The following LTBP1 variants were observed in gnomAD, a reference collection of about 807,000 sequenced individuals.
The protein encoded by LTBP1 is latent-transforming growth factor beta-binding protein 1.
Under a neutral mutation model 207.6 loss-of-function variants are expected in LTBP1, and 129 were observed. The ratio of observed to expected loss-of-function variants is 0.62; its 90% confidence interval spans 0.54 to 0.72. LTBP1 has a LOEUF of 0.72. Ranked by LOEUF, LTBP1 falls within the 30% of genes least tolerant of loss-of-function variation. The pLI is 0.00. For synonymous variants in LTBP1, 963 were observed against 833.7 expected (o/e 1.16, Z -2.67); for missense variants, 2,281 against 2,217.2 (o/e 1.03, Z -0.58).
chr2:33,257,399 CA>C lies in LTBP1; in HGVS notation c.2284del (p.Thr762LeufsTer23). The part of the protein sequence containing the change: ...KGPVFVKPKN[T>X]QPVAKSTHPP... ...GACCTGTATTTGTCAAGCCAAAGAA[CA>C]CTCAACCTGTTGCTAAAAGTACTCA... is the stretch of plus-strand genomic sequence containing the variant. On this transcript the variant is annotated frameshift_variant, in exon 12 of 34. Transcript: ENST00000404816. LOFTEE classifies it high-confidence loss of function. 6.2e-7 allele frequency: 1 copy of C among 1,614,230 alleles called. No individual in the cohort carries two copies. Among genetic ancestry groups the C allele is most frequent in the Non-Finnish European group, 8.5e-7 (1 of 1,180,032 alleles).
intron 7 of LTBP1, among the ~76,000 whole-genome samples, chr2:33,209,378 T>G (rs2149252947): frequency 6.6e-6 from 1 of 152,296 alleles, no homozygotes; most frequent in South Asian, 2.1e-4. Flanking sequence ...TTGCTGTTGC[T>G]TCATGGTCTT....
chr2:33,178,906 T>C (rs1292994302), intron 5 of LTBP1, among the ~76,000 whole-genome samples: 1 of 152,102 alleles, frequency 6.6e-6, no homozygotes, highest in Non-Finnish European at 1.5e-5. Flanking sequence ...TTATTTTCCT[T>C]TTTTCTTTTT....
At position 32,963,397 on chromosome 2, in the gene LTBP1, G is replaced by C. The variant is rs1035536422; in HGVS notation, c.565+14452G>C. Among the ~76,000 whole-genome samples the C allele has an allele frequency of 3.3e-5, 5 of 151,124 alleles. No individual in the cohort carries two copies. The South Asian group carries it at 1.0e-3, about 32-fold the overall frequency. On this transcript the variant is annotated intron_variant, in intron 2 of 33. Transcript: ENST00000404816. ...TTTTTTTTTTTAACTTTTTTGTAGA[G>C]GTGAGGTCTCGCTGTGTTGCCCAGG...
intron 32 of LTBP1, among the ~76,000 whole-genome samples, chr2:33,393,885 T>C (rs1325037697): frequency 1.3e-5 from 2 of 152,182 alleles, no homozygotes; most frequent in African/African-American, 2.4e-5. Context: ...CCACAATGGT[T>C]GAACTAGTTT....
intron 3 of LTBP1, among the ~76,000 whole-genome samples, chr2:33,038,100 C>T (rs1254723320): frequency 2.6e-5 from 4 of 152,198 alleles, no homozygotes; most frequent in African/African-American, 9.7e-5. Flanking sequence ...GGGTACTACC[C>T]ATTCAGGTTG....
At chr2:33,112,522 A>C (rs533772199) in intron 4 of LTBP1, among the ~76,000 whole-genome samples, 17 of 150,900 alleles carry the variant, frequency 1.1e-4, no homozygotes, top group Non-Finnish European at 2.2e-4. Context: ...CAAACCCCCT[A>C]AAAGATGGCT....
At chr2:33,040,939 A>G (rs2076152547) in intron 3 of LTBP1, among the ~76,000 whole-genome samples, 1 of 152,172 alleles carries the variant, frequency 6.6e-6, no homozygotes, top group Non-Finnish European at 1.5e-5. Context: ...TGACAATTTT[A>G]CAATGGTCAC....
At chr2:33,355,371 G>T (rs759259897) in intron 26 of LTBP1, among the ~76,000 whole-genome samples, 2 of 151,926 alleles carry the variant, frequency 1.3e-5, no homozygotes, top group African/African-American at 4.8e-5. Flanking sequence ...ACAACACGGC[G>T]TAGTATTTAC....
In LTBP1 at chr2:33,364,002, TGTC is replaced by T. The variant is rs562797390; in HGVS notation, c.4400-213_4400-211del. On this transcript the variant is annotated intron_variant, in intron 29 of 33. Transcript: ENST00000404816. ...ATGGATGTTTTCTTTCCTTATTTAA[TGTC>T]AGCAGCAGCAGCAGCAATGTTGTTT... Among the ~76,000 whole-genome samples the T allele has an allele frequency of 4.1e-4, 63 of 152,206 alleles. No homozygotes were observed. The East Asian group carries it at 8.7e-3, about 21-fold the overall frequency.
At chr2:33,081,179 A>G (rs79346159) in intron 3 of LTBP1, among the ~76,000 whole-genome samples, 5,969 of 152,170 alleles carry the variant, frequency 0.039, 188 homozygotes, top group Non-Finnish European at 0.065. Context: ...TTTGAGGATC[A>G]GAATGTTTCT....
intron 24 of LTBP1, among the ~76,000 whole-genome samples, chr2:33,342,016 G>A (rs1396004198): frequency 1.3e-5 from 2 of 152,062 alleles, no homozygotes; most frequent in African/African-American, 4.8e-5. Flanking sequence ...GGTGATGGGT[G>A]GTATAGATGT....
chr2:33,365,576 C>G, intron 31 of LTBP1, 73 bp downstream of exon 31: 1 of 1,440,094 alleles, frequency 6.9e-7, no homozygotes, highest in Non-Finnish European at 9.6e-7. Context: ...TGTAGCCTGA[C>G]ATTTCTCTTC....
chr2:32,947,884 G>A (rs1282144209), intron 1 of LTBP1, 66 bp downstream of exon 1: 4 of 1,247,748 alleles, frequency 3.2e-6, no homozygotes, highest in Admixed American at 4.3e-5. Context: ...GGGACCTGCG[G>A]GGTCAGGGCC....
At chr2:32,954,318 A>T (rs1016672061) in intron 2 of LTBP1, among the ~76,000 whole-genome samples, 1 of 152,246 alleles carries the variant, frequency 6.6e-6, no homozygotes, top group Non-Finnish European at 1.5e-5. Flanking sequence ...GGTGACTTAG[A>T]ACGATAGAAA....
intron 5 of LTBP1, among the ~76,000 whole-genome samples, chr2:33,144,325 C>T (rs1032927548): frequency 6.6e-6 from 1 of 152,104 alleles, no homozygotes; most frequent in African/African-American, 2.4e-5. Context: ...GTAGGTTAGA[C>T]CTTGCACAAA....
At chr2:33,215,772 A>G (rs942146614) in intron 7 of LTBP1, among the ~76,000 whole-genome samples, 1 of 143,994 alleles carries the variant, frequency 6.9e-6, no homozygotes, top group Non-Finnish European at 1.5e-5. Context: ...GCTGGAGTGC[A>G]GTGGTGAATC....
intron 7 of LTBP1, among the ~76,000 whole-genome samples, chr2:33,200,868 A>G (rs577671511): frequency 3.3e-5 from 5 of 152,376 alleles, no homozygotes; most frequent in African/African-American, 9.6e-5. Flanking sequence ...CAAAAGACAC[A>G]TGAAAAAATG....
chr2:33,297,291 A>G lies in LTBP1; in HGVS notation c.3236-3160A>G, dbSNP rs539554564. 7.9e-5 allele frequency among the ~76,000 whole-genome samples: 12 copies of G among 152,212 alleles called. No homozygotes were observed. In the South Asian group the frequency reaches 2.5e-3, roughly 32 times the overall value. ...ATGATCTCTGTCCCTGTATTATTTCATGCAATCCTCATATCAGCTCTAGTA... is the reference window on the plus strand; with the variant it reads ...ATGATCTCTGTCCCTGTATTATTTCGTGCAATCCTCATATCAGCTCTAGTA... On this transcript the variant is annotated intron_variant, in intron 20 of 33. Coordinates refer to ENST00000404816, the MANE Select transcript of LTBP1 (RefSeq NM_206943.4).
intron 18 of LTBP1, among the ~76,000 whole-genome samples, chr2:33,277,041 A>G (rs1053852066): frequency 2.6e-5 from 4 of 152,220 alleles, no homozygotes; most frequent in Non-Finnish European, 4.4e-5. Context: ...AGCAGAGCCT[A>G]ATAGATCTGG....
Sources: gnomAD v4.1 joint callset for allele counts (sites outside exome capture counted in the v4.1 genomes callset) on GRCh38, gnomAD v4.1.1 for gene constraint, MANE v1.5 for transcripts, NCBI Gene and HGNC (gene_info 2026-07-23, HGNC 2026-07-21) for gene names.